Variants in SMYD3 observed in about 807,000 individuals in gnomAD.
The protein encoded by SMYD3 is histone-lysine N-methyltransferase SMYD3.
Under a neutral mutation model 57.7 loss-of-function variants are expected in SMYD3, and 36 were observed. The ratio of observed to expected loss-of-function variants is 0.62; its 90% CI spans 0.48 to 0.82. The LOEUF (loss-of-function observed/expected upper bound fraction) is 0.82. SMYD3 is among the 40% of genes least tolerant of loss of function. The probability of loss-of-function intolerance (pLI) is 0.00; values close to 1 mark genes in which losing one functional copy is unlikely to be tolerated. For missense variants in SMYD3, 515 were observed against 538.8 expected, an observed-to-expected ratio of 0.96 and a Z score of 0.44; for synonymous variants, 211 against 195.0, an observed-to-expected ratio of 1.08 and a Z score of -0.68.
intron 8 of SMYD3, among the ~76,000 whole-genome samples, chr1:245,874,888 G>A (rs1047036303): frequency 2.6e-5 from 4 of 152,248 alleles, no homozygotes; most frequent in African/African-American, 9.6e-5. Flanking sequence ...AAGGTCTGGT[G>A]AGGAGAACAC....
At chr1:246,414,362 G>GTAAGTTAGC in intron 1 of SMYD3, among the ~76,000 whole-genome samples, 1 of 152,212 alleles carries the variant, frequency 6.6e-6, no homozygotes, top group East Asian at 1.9e-4. Flanking sequence ...CATTATCTTG[G>GTAAGTTAGC]TAAGTTAGCA....
At chr1:246,008,900 A>C (rs2059226214) in intron 5 of SMYD3, among the ~76,000 whole-genome samples, 2 of 152,180 alleles carry the variant, frequency 1.3e-5, no homozygotes, top group Non-Finnish European at 2.9e-5. Flanking sequence ...TCCCCAGGTG[A>C]GACAGGAGAG....
At chr1:246,317,027 A>T (rs188995766) in intron 5 of SMYD3, among the ~76,000 whole-genome samples, 9 of 151,482 alleles carry the variant, frequency 5.9e-5, no homozygotes, top group Admixed American at 2.6e-4. Flanking sequence ...TAAAAATTTA[A>T]AAAAAAAGGA....
chr1:245,980,961 GTA>G (rs2058581031), intron 5 of SMYD3, among the ~76,000 whole-genome samples: 1 of 152,204 alleles, frequency 6.6e-6, no homozygotes, highest in Admixed American at 6.5e-5. Flanking sequence ...ACAAGGCAGA[GTA>G]AAGCAGTTCT....
At chr1:245,823,232 A>G (rs2049278614) in intron 10 of SMYD3, among the ~76,000 whole-genome samples, 1 of 152,240 alleles carries the variant, frequency 6.6e-6, no homozygotes, top group African/African-American at 2.4e-5. Flanking sequence ...TACATTGTTC[A>G]GGACGATTGC....
rs1191357547 is a variant in SMYD3, at chr1:245,937,472, T to G, written c.532-7535A>C. Among the ~76,000 whole-genome samples the G allele has an allele frequency of 2.0e-5, 3 of 152,206 alleles. 1 individual carries two copies. Among genetic ancestry groups the G allele is most frequent in the African/African-American group, 7.2e-5 (3 of 41,448 alleles). On this transcript the variant is annotated intron_variant, in intron 5 of 11. Transcript: ENST00000490107. ...CTTCCCTGAGGCTCTTACCTGGCAT[T>G]TCACCTCCTTAAAGCCATCTGATGA...
chr1:245,836,140 A>AT (rs1328726147), intron 10 of SMYD3, among the ~76,000 whole-genome samples: 6 of 152,184 alleles, frequency 3.9e-5, no homozygotes, highest in African/African-American at 1.4e-4. Context: ...CAATTTGGTT[A>AT]TTTTAACTAC....
intron 1 of SMYD3, among the ~76,000 whole-genome samples, chr1:246,495,344 G>A (rs1374149925): frequency 4.3e-5 from 3 of 70,160 alleles, no homozygotes; most frequent in Admixed American, 2.2e-4. Context: ...GCAAGACTCC[G>A]TCTCAAAAAA....
intron 5 of SMYD3, among the ~76,000 whole-genome samples, chr1:246,313,982 G>C (rs1295536780): frequency 6.6e-6 from 1 of 152,090 alleles, no homozygotes; most frequent in Non-Finnish European, 1.5e-5. Flanking sequence ...ATTTCAAAAG[G>C]TACCTTAACT....
intron 11 of SMYD3, among the ~76,000 whole-genome samples, chr1:245,751,952 TA>T (rs926156032): frequency 6.6e-6 from 1 of 152,206 alleles, no homozygotes; most frequent in Non-Finnish European, 1.5e-5. Flanking sequence ...GGCAGAAGAT[TA>T]AAAACAAATG....
At chr1:246,404,875 C>A (rs2066835163) in intron 1 of SMYD3, among the ~76,000 whole-genome samples, 1 of 152,170 alleles carries the variant, frequency 6.6e-6, no homozygotes, top group South Asian at 2.1e-4. Context: ...GTGCTTTGGG[C>A]AGTCCTGACT....
At chr1:246,359,880 A>G (rs1226668550) in intron 1 of SMYD3, among the ~76,000 whole-genome samples, 1 of 152,204 alleles carries the variant, frequency 6.6e-6, no homozygotes, top group East Asian at 1.9e-4. Flanking sequence ...AGTTGAAATC[A>G]TTCCCCCTGA....
At chr1:246,452,417 G>A (rs995224218) in intron 1 of SMYD3, among the ~76,000 whole-genome samples, 2 of 152,062 alleles carry the variant, frequency 1.3e-5, no homozygotes, top group African/African-American at 4.8e-5. Context: ...CACGAGAATC[G>A]TTTGAACTCG....
At chr1:246,475,107 A>G (rs935018104) in intron 1 of SMYD3, among the ~76,000 whole-genome samples, 14 of 151,928 alleles carry the variant, frequency 9.2e-5, no homozygotes, top group African/African-American at 1.5e-4. Context: ...ACCTGTGGCC[A>G]GGAGTTCGTG....
intron 5 of SMYD3, among the ~76,000 whole-genome samples, chr1:246,053,239 T>C (rs1026263781): frequency 6.6e-6 from 1 of 152,160 alleles, no homozygotes; most frequent in African/African-American, 2.4e-5. Context: ...TGTTCACGAT[T>C]CAATATTAAG....
intron 5 of SMYD3, among the ~76,000 whole-genome samples, chr1:246,275,407 T>C (rs10924666): frequency 0.12 from 11,377 of 95,212 alleles, 1,461 homozygotes; most frequent in East Asian, 0.42. Context: ...TATTTAATGT[T>C]TCTAGTGGAG....
At chr1:246,462,505 G>C (rs1320874163) in intron 1 of SMYD3, among the ~76,000 whole-genome samples, 1 of 152,012 alleles carries the variant, frequency 6.6e-6, no homozygotes, top group Non-Finnish European at 1.5e-5. Flanking sequence ...GCAATGGAAG[G>C]GTCACACAGA....
intron 10 of SMYD3, among the ~76,000 whole-genome samples, chr1:245,826,404 GGGGT>G (rs2049493536): frequency 2.0e-5 from 3 of 152,074 alleles, no homozygotes; most frequent in Admixed American, 2.0e-4. Context: ...AAATAGAGAA[GGGGT>G]CTCACTATGT....
Position 246,437,063 on chromosome 1 carries a change from C to A in SMYD3, c.164+69991G>T, listed in dbSNP as rs2067390594. ...TACAGGCACCCGCCACCACACCCAG[C>A]TAATTTTTTGTATTTATTAGAGACA... is the stretch of plus-strand genomic sequence containing the variant. On this transcript the variant is annotated intron_variant, in intron 1 of 11. Coordinates refer to ENST00000490107, the MANE Select transcript of SMYD3 (RefSeq NM_001167740.2). 2.0e-5 allele frequency among the ~76,000 whole-genome samples: 3 copies of A among 152,068 alleles called. No individual in the cohort carries two copies. The South Asian group carries it at 6.2e-4, about 32-fold the overall frequency.
Sources: gnomAD v4.1 joint callset for allele counts (sites outside exome capture counted in the v4.1 genomes callset) on GRCh38, gnomAD v4.1.1 for gene constraint, MANE v1.5 for transcripts, NCBI Gene and HGNC (gene_info 2026-07-23, HGNC 2026-07-21) for gene names.